The following BLK variants were observed in gnomAD, a reference collection of about 807,000 sequenced individuals.
The protein encoded by BLK is tyrosine-protein kinase Blk.
BLK carries 64 observed loss-of-function variants against 61.8 expected under a neutral mutation model. The observed-to-expected ratio is 1.03, with a 90% CI of 0.85 to 1.27. The LOEUF is 1.27. BLK is among the 50% of genes most tolerant of loss of function. The pLI is 0.00. For synonymous variants in BLK, 351 were observed against 272.0 expected, an observed-to-expected ratio of 1.29 and a Z score of -2.86; for missense variants, 853 against 660.5, an observed-to-expected ratio of 1.29 and a Z score of -3.19.
intron 5 of BLK, 77 bp downstream of exon 5, chr8:11,549,199 G>T: frequency 7.5e-7 from 1 of 1,335,540 alleles, no homozygotes; most frequent in Non-Finnish European, 1.1e-6. Context: ...GGCAGGGCAG[G>T]GCCAGAGTGG....
intron 1 of BLK, among the ~76,000 whole-genome samples, chr8:11,517,858 T>A (rs986747542): frequency 6.6e-6 from 1 of 152,162 alleles, no homozygotes; most frequent in African/African-American, 2.4e-5. Flanking sequence ...GAGTCAAGGG[T>A]CACCTTTCAG....
At chr8:11,555,697 C>A in intron 8 of BLK, 2 of 737,938 alleles carry the variant, frequency 2.7e-6, no homozygotes, top group East Asian at 2.8e-5. Flanking sequence ...GGTGGCAGAG[C>A]AGGAACAGAA....
intron 1 of BLK, among the ~76,000 whole-genome samples, chr8:11,502,933 C>G (rs1460483337): frequency 2.0e-5 from 3 of 152,172 alleles, no homozygotes; most frequent in African/African-American, 7.2e-5. Context: ...GTCCCTACAC[C>G]AGCTGCTGCC....
At chr8:11,499,315 A>G (rs28626552) in intron 1 of BLK, among the ~76,000 whole-genome samples, 1,944 of 152,362 alleles carry the variant, frequency 0.013, 16 homozygotes, top group Middle Eastern at 0.058. Flanking sequence ...TAAGTTTTGT[A>G]TACGATGTTC....
chr8:11,557,916 G>A (rs1400284988), intron 9 of BLK, 46 bp from the exon 10 acceptor site: 2 of 1,581,500 alleles, frequency 1.3e-6, no homozygotes, highest in South Asian at 2.2e-5. Flanking sequence ...CACCACCAGG[G>A]GCGGGTCACT....
intron 1 of BLK, among the ~76,000 whole-genome samples, chr8:11,542,031 G>A (rs1423701224): frequency 2.0e-5 from 3 of 152,184 alleles, no homozygotes; most frequent in African/African-American, 7.2e-5. Flanking sequence ...GTGGCTTGCT[G>A]TCCTATATCG....
intron 1 of BLK, among the ~76,000 whole-genome samples, chr8:11,540,793 C>G (rs764995012): frequency 4.6e-5 from 7 of 151,254 alleles, no homozygotes; most frequent in Non-Finnish European, 1.0e-4. Context: ...GGCTTCACAA[C>G]TGAGTTCTAT....
At chr8:11,527,500 G>A (rs1359048573) in intron 1 of BLK, among the ~76,000 whole-genome samples, 1 of 150,526 alleles carries the variant, frequency 6.6e-6, no homozygotes, top group Non-Finnish European at 1.5e-5. Flanking sequence ...TGGGGAAGGA[G>A]TTTAATTGAC....
chr8:11,559,440 GACAC>G (rs550069732), intron 10 of BLK, among the ~76,000 whole-genome samples: 2 of 150,120 alleles, frequency 1.3e-5, no homozygotes, highest in South Asian at 2.1e-4. Context: ...AACTCACACA[GACAC>G]ACAAATACAC....
chr8:11,527,034 T>G (rs1457576921), intron 1 of BLK, among the ~76,000 whole-genome samples: 1 of 152,208 alleles, frequency 6.6e-6, no homozygotes, highest in Admixed American at 6.5e-5. Context: ...CATGTCATTC[T>G]TATTTGCAGT....
intron 1 of BLK, among the ~76,000 whole-genome samples, chr8:11,534,887 G>C (rs1372938749): frequency 6.6e-6 from 1 of 152,166 alleles, no homozygotes; most frequent in Non-Finnish European, 1.5e-5. Context: ...ATTGCACAAG[G>C]AGGCCAGATG....
At chr8:11,518,937 T>G (rs919262362) in intron 1 of BLK, among the ~76,000 whole-genome samples, 4 of 152,170 alleles carry the variant, frequency 2.6e-5, no homozygotes, top group African/African-American at 9.7e-5. Context: ...ACGTCGCACT[T>G]TCTGGGAGAG....
chr8:11,546,237 C>A (rs957762616), intron 3 of BLK, 134 bp downstream of exon 3: 1 of 1,092,874 alleles, frequency 9.2e-7, no homozygotes, highest in Admixed American at 1.8e-5. Flanking sequence ...CTGAGAGAGG[C>A]CCCGGCTCTG....
At chr8:11,504,194 C>T (rs1430279047) in intron 1 of BLK, among the ~76,000 whole-genome samples, 3 of 151,868 alleles carry the variant, frequency 2.0e-5, no homozygotes, top group African/African-American at 4.8e-5. Context: ...TGGTGGTGTG[C>T]GACTGTAATC....
At chr8:11,537,756 T>A (rs1482329580) in intron 1 of BLK, among the ~76,000 whole-genome samples, 2 of 152,240 alleles carry the variant, frequency 1.3e-5, no homozygotes, top group African/African-American at 2.4e-5. Flanking sequence ...AAACTCGTTA[T>A]CCGTCAAGTG....
chr8:11,531,710 T>C (rs1408525894), intron 1 of BLK, among the ~76,000 whole-genome samples: 1 of 152,194 alleles, frequency 6.6e-6, no homozygotes, highest in African/African-American at 2.4e-5. Flanking sequence ...CGTGCTAATT[T>C]CTCCCCAGTC....
chr8:11,563,800 C>G, intron 12 of BLK, 103 bp from the exon 13 acceptor site: 2 of 1,146,430 alleles, frequency 1.7e-6, no homozygotes, highest in Non-Finnish European at 2.5e-6. Flanking sequence ...GTGGGCACTG[C>G]TGTCCCTTGC....
Position 11,564,207 on chromosome 8 carries a change from C to T in BLK, c.*99C>T, listed in dbSNP as rs1003531652. ...CCGCGAAGGCGGGGTGTCGCCTGTG[C>T]CCTTTTCTCAGACCCGGAATCCAGT... On this transcript the variant is annotated 3_prime_UTR_variant, in exon 13 of 13. Transcript: ENST00000259089. 5.7e-6 allele frequency: 8 copies of T among 1,399,450 alleles called. No homozygotes were observed. In the Admixed American group the frequency reaches 1.2e-4, roughly 21 times the overall value. 86.7% of individuals were successfully genotyped at this position (1,399,450 alleles called of 1,614,324 possible).
At chr8:11,509,312 G>A (rs968768170) in intron 1 of BLK, 3 of 152,154 alleles carry the variant, frequency 2.0e-5, no homozygotes, top group African/African-American at 7.2e-5. Flanking sequence ...GCAGCCCAGG[G>A]ACTTTACCAT....
Sources: allele counts gnomAD v4.1 joint callset (sites outside exome capture counted in the v4.1 genomes callset), GRCh38; gene constraint gnomAD v4.1.1; transcripts MANE v1.5; gene names NCBI Gene and HGNC (gene_info 2026-07-23, HGNC 2026-07-21).